The following LHX8 variants were observed in gnomAD, a reference collection of about 807,000 sequenced individuals.
LHX8 encodes the protein LIM homeobox 8.
Under a neutral mutation model 40.3 loss-of-function variants are expected in LHX8, and 12 were observed. That is an observed-to-expected ratio of 0.30 (90% CI 0.19 to 0.48). LHX8 has a LOEUF of 0.48. LHX8 is among the 20% of genes least tolerant of loss of function. The probability of loss-of-function intolerance (pLI) is 0.99; values close to 1 mark genes in which losing one functional copy is unlikely to be tolerated. For synonymous variants in LHX8, 179 were observed against 162.0 expected (o/e 1.10, Z -0.80); for missense variants, 344 against 433.7 (o/e 0.79, Z 1.84).
At chr1:75,140,225 T>C (rs2100336671) in intron 3 of LHX8, among the ~76,000 whole-genome samples, 1 of 152,344 alleles carries the variant, frequency 6.6e-6, no homozygotes, top group Non-Finnish European at 1.5e-5. Context: ...ATACTGGCCT[T>C]ATTAAACACC....
At chr1:75,182,374 T>C in the LHX8 span, among the ~76,000 whole-genome samples, 1 of 146,976 alleles carries the variant, frequency 6.8e-6, no homozygotes, top group Non-Finnish European at 1.5e-5. Context: ...ATTTCCTTTT[T>C]TTTTTTTTTT....
At position 75,160,945 on chromosome 1, in the gene LHX8, T is replaced by G; in HGVS notation, c.*50T>G. ...TTAAGGATATAAATTTGTCATTTATTATGTATAAAATACCATTGAAAAGAT... is the reference window on the plus strand; with the variant it reads ...TTAAGGATATAAATTTGTCATTTATGATGTATAAAATACCATTGAAAAGAT... On this transcript the variant is annotated 3_prime_UTR_variant, in exon 9 of 9. Coordinates refer to ENST00000356261, the MANE Select transcript of LHX8 (RefSeq NM_001256114.2). 1 of 1,314,460 alleles carries G rather than the reference T, an allele frequency of 7.6e-7. No homozygotes were observed. Among genetic ancestry groups the G allele is most frequent in the Non-Finnish European group, 1.1e-6 (1 of 907,582 alleles). 81.4% of individuals were successfully genotyped at this position (1,314,460 alleles called of 1,614,324 possible). A position where few individuals can be genotyped will look rare whatever the true frequency, so the allele number is the denominator to read the frequency against.
intron 7 of LHX8, among the ~76,000 whole-genome samples, chr1:75,149,072 C>T (rs572536791): frequency 2.6e-5 from 4 of 152,312 alleles, no homozygotes; most frequent in African/African-American, 9.6e-5. Context: ...ATTCAGTACT[C>T]ACAGCAACCC....
the LHX8 span, among the ~76,000 whole-genome samples, chr1:75,174,718 A>G: frequency 6.6e-6 from 1 of 152,250 alleles, no homozygotes; most frequent in Admixed American, 6.5e-5. Flanking sequence ...AACATATTAT[A>G]CAAGGTAGAA....
the LHX8 span, among the ~76,000 whole-genome samples, chr1:75,189,806 A>G: frequency 1.3e-5 from 2 of 152,192 alleles, no homozygotes; most frequent in East Asian, 1.9e-4. Context: ...ATCATACTGT[A>G]ATCTCTATGA....
chr1:75,151,115 G>A (rs777917702), intron 7 of LHX8, among the ~76,000 whole-genome samples: 1 of 152,150 alleles, frequency 6.6e-6, no homozygotes, highest in African/African-American at 2.4e-5. Flanking sequence ...CTTAATTTGG[G>A]TGGTTGATAC....
chr1:75,165,056 T>C (rs1468264159), downstream of LHX8, among the ~76,000 whole-genome samples: 1 of 152,222 alleles, frequency 6.6e-6, no homozygotes, highest in African/African-American at 2.4e-5. Context: ...TTATTCTGCA[T>C]ATATTACTAA....
chr1:75,130,711 G>T (rs1278575086), upstream of LHX8: 1 of 1,614,068 alleles, frequency 6.2e-7, no homozygotes, highest in East Asian at 2.2e-5. Context: ...ATCTCTGAGG[G>T]GTTATGCAGA....
At chr1:75,184,393 G>GA in the LHX8 span, among the ~76,000 whole-genome samples, 1 of 151,844 alleles carries the variant, frequency 6.6e-6, no homozygotes, top group Non-Finnish European at 1.5e-5. Flanking sequence ...TAGCAAATAG[G>GA]AAAAAACTGA....
the LHX8 span, among the ~76,000 whole-genome samples, chr1:75,192,688 C>CA: frequency 2.6e-5 from 4 of 151,642 alleles, no homozygotes; most frequent in Admixed American, 1.3e-4. Flanking sequence ...AGGCGCTATG[C>CA]TTTTGTTTGT....
chr1:75,136,603 T>C lies in LHX8; in HGVS notation c.-12T>C. ...ACTTTCTCCCCCTCCTACTCCGCAG[T>C]GTCAGGGGCTCATGTCAGAGGAGTG... On this transcript the variant is annotated splice_region_variant and 5_prime_UTR_variant, in exon 2 of 9. Coordinates refer to ENST00000356261, the MANE Select transcript of LHX8 (RefSeq NM_001256114.2). 1 of 1,548,988 alleles carries C rather than the reference T, an allele frequency of 6.5e-7. No homozygotes were observed. The highest frequency in any genetic ancestry group is 8.7e-7 in the Non-Finnish European group (1 of 1,145,486).
intron 1 of LHX8, 54 bp from the exon 2 acceptor site, chr1:75,136,549 C>G: frequency 2.3e-6 from 3 of 1,322,828 alleles, no homozygotes; most frequent in Non-Finnish European, 2.1e-6. Context: ...GCGGGCAGCA[C>G]GCTCGGAACT....
chr1:75,170,129 T>C, the LHX8 span, among the ~76,000 whole-genome samples: 10 of 152,244 alleles, frequency 6.6e-5, no homozygotes, highest in African/African-American at 1.9e-4. Flanking sequence ...CATTTTTCTC[T>C]GCTCAGCTGA....
the LHX8 span, among the ~76,000 whole-genome samples, chr1:75,177,553 A>G: frequency 1.3e-5 from 2 of 152,218 alleles, no homozygotes; most frequent in African/African-American, 4.8e-5. Flanking sequence ...GAAGTTGCTT[A>G]TCAGCTTAAG....
chr1:75,175,157 C>T, the LHX8 span, among the ~76,000 whole-genome samples: 4 of 152,192 alleles, frequency 2.6e-5, no homozygotes, highest in African/African-American at 9.7e-5. Context: ...CTTTTTAGGG[C>T]TGAGTAGTAT....
At position 75,143,124 on chromosome 1, in the gene LHX8, T is replaced by C. The variant is rs1648361548; in HGVS notation, c.366T>C (p.Tyr122=). The part of the protein sequence containing the change: ...IFCKLDYFRR[Y]GTRCSRCGRH... ...ACACCTCTATTTAATGTAGAAGGTA[T>C]GGAACTCGCTGCTCTCGATGTGGGA... Residue 122 remains tyrosine (Y), a synonymous_variant, in exon 5 of 9, where the codon TAT becomes TAC. Transcript: ENST00000356261. 6.2e-7 allele frequency: 1 copy of C among 1,613,358 alleles called. No homozygotes were observed. Among genetic ancestry groups the C allele is most frequent in the Admixed American group, 1.7e-5 (1 of 60,026 alleles).
the LHX8 span, among the ~76,000 whole-genome samples, chr1:75,170,419 C>T: frequency 3.3e-5 from 5 of 152,260 alleles, no homozygotes; most frequent in Admixed American, 6.5e-5. Context: ...AAACACAAAG[C>T]CAGCTTCCCT....
At chr1:75,179,407 A>T in the LHX8 span, among the ~76,000 whole-genome samples, 2 of 151,044 alleles carry the variant, frequency 1.3e-5, no homozygotes, top group Admixed American at 1.3e-4. Flanking sequence ...TGTTGAATTG[A>T]TCCCTTTACC....
intron 4 of LHX8, 102 bp downstream of exon 4, chr1:75,141,208 C>T: frequency 2.3e-6 from 3 of 1,277,404 alleles, no homozygotes; most frequent in Admixed American, 2.0e-5. Flanking sequence ...TAATGAAGCC[C>T]AGTTTTTCTT....
Sources: allele counts gnomAD v4.1 joint callset (sites outside exome capture counted in the v4.1 genomes callset), GRCh38; gene constraint gnomAD v4.1.1; transcripts MANE v1.5; gene names NCBI Gene and HGNC (gene_info 2026-07-23, HGNC 2026-07-21).